The following NXN variants were observed in gnomAD, a reference collection of about 807,000 sequenced individuals.
The protein encoded by NXN is nucleoredoxin 1.
A neutral mutation model predicts 48.6 loss-of-function variants in NXN; 16 were observed. The ratio of observed to expected loss-of-function variants is 0.33; its 90% CI spans 0.22 to 0.50. NXN has a LOEUF of 0.50. Ranked by LOEUF, NXN falls within the 20% of genes least tolerant of loss-of-function variation. The pLI, the probability that NXN is intolerant of heterozygous loss-of-function variation, is 0.98. For missense variants in NXN, 492 were observed against 605.5 expected, an observed-to-expected ratio of 0.81 and a Z score of 1.97; for synonymous variants, 281 against 269.6, an observed-to-expected ratio of 1.04 and a Z score of -0.41.
chr17:876,766 G>A (rs1040645272), intron 1 of NXN, among the ~76,000 whole-genome samples: 7 of 152,236 alleles, frequency 4.6e-5, no homozygotes, highest in South Asian at 4.1e-4. Flanking sequence ...ACTCTTGGCC[G>A]GGCGCGGGGG....
intron 1 of NXN, among the ~76,000 whole-genome samples, chr17:865,524 G>A (rs914971312): frequency 4.0e-5 from 6 of 151,790 alleles, no homozygotes; most frequent in African/African-American, 1.2e-4. Flanking sequence ...TTACAGGCAT[G>A]AGCCACCACG....
chr17:905,839 T>C (rs2068576775), intron 1 of NXN, among the ~76,000 whole-genome samples: 1 of 151,954 alleles, frequency 6.6e-6, no homozygotes. Flanking sequence ...TAGCTGGGCA[T>C]GGTGGCATGT....
chr17:887,228 T>A (rs558212219), intron 1 of NXN, among the ~76,000 whole-genome samples: 312 of 152,254 alleles, frequency 2.0e-3, no homozygotes, highest in Non-Finnish European at 3.5e-3. Context: ...CAGTCTTTTA[T>A]CTGGTGGGAG....
chr17:942,160 G>A (rs2068983404), intron 1 of NXN, among the ~76,000 whole-genome samples: 1 of 138,486 alleles, frequency 7.2e-6, no homozygotes, highest in Non-Finnish European at 1.5e-5. Flanking sequence ...GATTTACAGC[G>A]AACAAGATTC....
In NXN at chr17:811,975, T is replaced by G. The variant is rs1261048720; in HGVS notation, c.821-6728A>C. ...CGGAGTCTCGCTCTGTCGCCCAGGC[T>G]GGAGTGCAGTGGCAAGATCTCGGCT... On this transcript the variant is annotated intron_variant, in intron 5 of 7. Transcript: ENST00000336868. 1.5e-4 allele frequency among the ~76,000 whole-genome samples: 20 copies of G among 130,820 alleles called. No homozygotes were observed. In the Admixed American group the frequency reaches 1.9e-3, roughly 12 times the overall value. The allele number at this position is 130,820 out of a possible 152,430, so 85.8% of individuals were successfully genotyped here.
intron 5 of NXN, among the ~76,000 whole-genome samples, chr17:813,633 T>C (rs1912296528): frequency 1.3e-5 from 2 of 152,376 alleles, no homozygotes; most frequent in South Asian, 4.1e-4. Flanking sequence ...AAGAAGTGCA[T>C]GCATATTTGG....
intron 1 of NXN, among the ~76,000 whole-genome samples, chr17:842,109 C>T (rs1371510467): frequency 6.6e-6 from 1 of 152,098 alleles, no homozygotes; most frequent in African/African-American, 2.4e-5. Flanking sequence ...GCACTCCAGC[C>T]TGGGCGACAG....
At chr17:862,889 C>T (rs2068055052) in intron 1 of NXN, among the ~76,000 whole-genome samples, 1 of 152,194 alleles carries the variant, frequency 6.6e-6, no homozygotes, top group Non-Finnish European at 1.5e-5. Flanking sequence ...GACCTATGCT[C>T]TAAACGTATC....
intron 6 of NXN, chr17:804,065 T>G: frequency 2.1e-6 from 1 of 469,208 alleles, no homozygotes; most frequent in Non-Finnish European, 3.9e-6. Flanking sequence ...GCAGCTCTGC[T>G]CTCCCAGGTA....
chr17:968,095 T>C (rs2069328520), intron 1 of NXN, among the ~76,000 whole-genome samples: 1 of 145,986 alleles, frequency 6.8e-6, no homozygotes, highest in Non-Finnish European at 1.5e-5. Context: ...AAGGGTTACT[T>C]AGTGAAATGC....
At chr17:974,987 C>T (rs2069441355) in intron 1 of NXN, among the ~76,000 whole-genome samples, 1 of 151,994 alleles carries the variant, frequency 6.6e-6, no homozygotes, top group African/African-American at 2.4e-5. Flanking sequence ...CCACTGTGAC[C>T]AGCTAATTGT....
chr17:904,895 C>A (rs2068569223), intron 1 of NXN, among the ~76,000 whole-genome samples: 1 of 152,076 alleles, frequency 6.6e-6, no homozygotes, highest in African/African-American at 2.4e-5. Context: ...TTACTCCTCA[C>A]CCTTAGAGAA....
chr17:955,302 G>T (rs1194866378), intron 1 of NXN, among the ~76,000 whole-genome samples: 1 of 151,524 alleles, frequency 6.6e-6, no homozygotes, highest in Non-Finnish European at 1.5e-5. Context: ...CGAGTAGCTG[G>T]GATTACAGGC....
In NXN at chr17:917,161, CT is replaced by C. The variant is rs397961779; in HGVS notation, c.360+62157del. 8.5e-4 allele frequency among the ~76,000 whole-genome samples: 123 copies of C among 145,200 alleles called. No homozygotes were observed. The Middle Eastern group carries it at 0.011, about 13-fold the overall frequency. ...AGGTGTTCCACGCCTGAGCTCACAT[CT>C]TTTTTTTTTTTTTCTGTAGCCCAGG... On this transcript the variant is annotated intron_variant, in intron 1 of 7. Coordinates refer to ENST00000336868, the MANE Select transcript of NXN (RefSeq NM_022463.5). The surrounding 1 kb of genome is among the most constrained non-coding windows in gnomAD (Gnocchi z 4.5).
chr17:836,081 GA>G (rs1235470108), intron 1 of NXN, among the ~76,000 whole-genome samples: 2 of 68,064 alleles, frequency 2.9e-5, no homozygotes, highest in Admixed American at 2.4e-4. Flanking sequence ...AGGCCGCGGG[GA>G]AAAAACACCG....
intron 1 of NXN, among the ~76,000 whole-genome samples, chr17:841,339 C>T (rs1256714510): frequency 6.6e-6 from 1 of 152,090 alleles, no homozygotes; most frequent in Non-Finnish European, 1.5e-5. Context: ...CCTGGTGCCG[C>T]CAACCCTGCC....
intron 5 of NXN, among the ~76,000 whole-genome samples, chr17:807,228 C>T (rs1481505185): frequency 6.6e-6 from 1 of 152,224 alleles, no homozygotes; most frequent in Non-Finnish European, 1.5e-5. Context: ...CACATCACCA[C>T]ACACCCTTCT....
intron 5 of NXN, among the ~76,000 whole-genome samples, chr17:817,436 G>A (rs554147132): frequency 1.7e-4 from 26 of 152,108 alleles, no homozygotes; most frequent in Non-Finnish European, 2.9e-4. Flanking sequence ...TTGGGAGGCC[G>A]AGGTGGGCGG....
intron 1 of NXN, among the ~76,000 whole-genome samples, chr17:826,854 C>A (rs1328247821): frequency 6.6e-6 from 1 of 152,214 alleles, no homozygotes; most frequent in African/African-American, 2.4e-5. Flanking sequence ...TGGCTGTGCA[C>A]ACGGTCAGAG....
Sources: gnomAD v4.1 joint callset for allele counts (sites outside exome capture counted in the v4.1 genomes callset) on GRCh38, gnomAD v4.1.1 for gene constraint, Gnocchi (gnomAD v3.1) non-coding constraint, MANE v1.5 for transcripts, NCBI Gene and HGNC (gene_info 2026-07-23, HGNC 2026-07-21) for gene names.